SYNE1: variants seen among roughly 807,000 people sequenced by gnomAD.
SYNE1 encodes the protein nesprin-1.
In SYNE1, 616 loss-of-function variants were observed where a neutral mutation model predicts 1,111.0. That is an observed-to-expected ratio of 0.55 (90% CI 0.52 to 0.59). SYNE1 has a LOEUF of 0.59. Among genes scored for constraint, SYNE1 ranks in the 20% least tolerant of loss-of-function variants. The pLI, the probability that SYNE1 is intolerant of heterozygous loss-of-function variation, is 0.00. For synonymous variants in SYNE1, 3,855 were observed against 3,825.8 expected, an observed-to-expected ratio of 1.01 and a Z score of -0.28; for missense variants, 10,006 against 10,417.0, an observed-to-expected ratio of 0.96 and a Z score of 1.72.
At chr6:152,350,427 G>A (rs1563264741) in intron 71 of SYNE1, 92 bp from the exon 72 acceptor site, 1 of 1,559,188 alleles carries the variant, frequency 6.4e-7, no homozygotes, top group East Asian at 2.2e-5. Flanking sequence ...CAACTCACAG[G>A]GTAGTTAGAG....
chr6:152,228,325 C>A (rs1337283078), intron 115 of SYNE1, among the ~76,000 whole-genome samples: 4 of 152,274 alleles, frequency 2.6e-5, no homozygotes, highest in African/African-American at 7.2e-5. Flanking sequence ...GTTCTTTCAA[C>A]CACACTTTAA....
chr6:152,213,714 T>A lies in SYNE1; in HGVS notation c.22392A>T (p.Lys7464Asn). ...FLLQHQTFLEKCETWMEFLVQ... is the reference protein window; with the variant it reads ...FLLQHQTFLENCETWMEFLVQ... Reference sequence around the variant, plus strand: ...CTAGGAATTCCATCCATGTTTCACATTTTTCCAAGAAAGTCTGATGTTGTA... The same window carrying A: ...CTAGGAATTCCATCCATGTTTCACAATTTTCCAAGAAAGTCTGATGTTGTA... The change falls in exon 123 of 146, where the codon AAA (lysine) becomes AAT (asparagine). Residue 7464 changes from lysine to asparagine, a missense_variant. Lys to Asn is a moderately conservative substitution (Grantham distance 94). Transcript: ENST00000367255. The A allele has an allele frequency of 6.2e-7, 1 of 1,614,092 alleles. No homozygotes were observed. Among genetic ancestry groups the A allele is most frequent in the Non-Finnish European group, 8.5e-7 (1 of 1,179,984 alleles).
intron 4 of SYNE1, 146 bp downstream of exon 4, chr6:152,539,813 AG>A: frequency 1.1e-6 from 1 of 899,254 alleles, no homozygotes; most frequent in Non-Finnish European, 1.8e-6. Context: ...TTCCACTCTT[AG>A]GCAACAGCTA....
intron 47 of SYNE1, 124 bp from the exon 48 acceptor site, chr6:152,399,947 ATTTTGGTGCGT>A: frequency 1.8e-6 from 2 of 1,139,290 alleles, no homozygotes; most frequent in South Asian, 2.7e-5. Context: ...TGGTGTATAC[ATTTTGGTGCGT>A]TTTTGAGTAC....
intron 100 of SYNE1, among the ~76,000 whole-genome samples, chr6:152,262,640 A>G (rs1336453368): frequency 6.6e-6 from 1 of 152,176 alleles, no homozygotes; most frequent in Non-Finnish European, 1.5e-5. Flanking sequence ...GAAAGGTAGT[A>G]CAGGACAGAG....
chr6:152,591,111 T>TG (rs1457043881), intron 3 of SYNE1, among the ~76,000 whole-genome samples: 1 of 152,196 alleles, frequency 6.6e-6, no homozygotes, highest in Non-Finnish European at 1.5e-5. Flanking sequence ...CCTCTTTGGG[T>TG]AGGTGCATTC....
At chr6:152,606,436 G>A (rs2099614930) in intron 3 of SYNE1, among the ~76,000 whole-genome samples, 1 of 152,146 alleles carries the variant, frequency 6.6e-6, no homozygotes, top group South Asian at 2.1e-4. Context: ...GAAGGCCCAG[G>A]ACATAGCTGT....
At chr6:152,418,650 C>T (rs955937889) in intron 40 of SYNE1, among the ~76,000 whole-genome samples, 1 of 152,052 alleles carries the variant, frequency 6.6e-6, no homozygotes, top group African/African-American at 2.4e-5. Flanking sequence ...ACTGAGAGAA[C>T]CTGAGGAGCA....
At position 152,310,515 on chromosome 6, in the gene SYNE1, T is replaced by G; in HGVS notation, c.16900A>C (p.Met5634Leu). Residue 5634 changes from methionine (M) to leucine (L), a missense_variant, in exon 89 of 146, where the codon ATG becomes CTG. This residue lies in a region of SYNE1 where 4,955 missense variants were observed against 5,017.2 expected (regional missense o/e 0.99). Transcript: ENST00000367255. ...LQNLQDAAKD[M>L]KKFEAELKKL... The stretch of plus-strand genomic sequence containing the variant: ...TTCAACTCTGCTTCAAATTTTTTCA[T>G]ATCCTAGAGAGTCAATATCAATGTA... The G allele has an allele frequency of 6.2e-7, 1 of 1,614,066 alleles. No homozygotes were observed.
At chr6:152,542,144 T>G (rs560333140) in intron 3 of SYNE1, among the ~76,000 whole-genome samples, 2 of 152,338 alleles carry the variant, frequency 1.3e-5, no homozygotes, top group East Asian at 3.9e-4. Context: ...CCCAAATCTC[T>G]GTCTTTGTCT....
intron 3 of SYNE1, among the ~76,000 whole-genome samples, chr6:152,626,655 C>T (rs2099686366): frequency 6.6e-6 from 1 of 152,196 alleles, no homozygotes; most frequent in Non-Finnish European, 1.5e-5. Flanking sequence ...TCTGGCATGA[C>T]ATGTGGGATT....
chr6:152,168,143 T>A (rs751038877), intron 130 of SYNE1: 1 of 779,174 alleles, frequency 1.3e-6, no homozygotes, highest in Non-Finnish European at 2.4e-6. Context: ...ATCTGGGAGA[T>A]CTGCATCCAC....
chr6:152,495,992 C>T (rs1355803249), intron 11 of SYNE1, among the ~76,000 whole-genome samples: 2 of 152,124 alleles, frequency 1.3e-5, no homozygotes, highest in African/African-American at 4.8e-5. Flanking sequence ...TACAAGACAC[C>T]TCTTTTAGTG....
chr6:152,560,594 A>AGCATTACT (rs1333840089), intron 3 of SYNE1, among the ~76,000 whole-genome samples: 1 of 152,182 alleles, frequency 6.6e-6, no homozygotes, highest in Non-Finnish European at 1.5e-5. Context: ...TTATAAGGCC[A>AGCATTACT]GCATTACTCT....
chr6:152,253,827 T>TGTTTGTTTG (rs2090088450), intron 104 of SYNE1, among the ~76,000 whole-genome samples: 1 of 57,568 alleles, frequency 1.7e-5, no homozygotes, highest in African/African-American at 1.3e-4. Flanking sequence ...GGTTTTTTTT[T>TGTTTGTTTG]TTTTTTTTTT....
intron 49 of SYNE1, among the ~76,000 whole-genome samples, chr6:152,397,826 C>T (rs1389038287): frequency 2.6e-5 from 4 of 152,036 alleles, no homozygotes; most frequent in South Asian, 2.1e-4. Context: ...CATGGTGAAA[C>T]CTCGTCTCTA....
At chr6:152,206,045 T>C in intron 126 of SYNE1, 123 bp downstream of exon 126, 1 of 1,044,642 alleles carries the variant, frequency 9.6e-7, no homozygotes, top group South Asian at 1.4e-5. Flanking sequence ...ACACAGAGAA[T>C]CAAAATACTG....
chr6:152,219,258 G>T (rs1029167398), intron 119 of SYNE1, 73 bp from the exon 120 acceptor site: 29 of 1,390,530 alleles, frequency 2.1e-5, no homozygotes, highest in Non-Finnish European at 2.8e-5. Flanking sequence ...TCGGCAAAGG[G>T]CTACACATGT....
intron 3 of SYNE1, among the ~76,000 whole-genome samples, chr6:152,609,354 G>A (rs1193282922): frequency 2.0e-5 from 3 of 152,178 alleles, no homozygotes; most frequent in Non-Finnish European, 2.9e-5. Context: ...CACACTCACA[G>A]AGCCTTGCTC....
Sources: gnomAD v4.1 joint callset for allele counts (sites outside exome capture counted in the v4.1 genomes callset) on GRCh38, gnomAD v4.1.1 for gene constraint, gnomAD v4.1.1 regional missense constraint, MANE v1.5 for transcripts, NCBI Gene and HGNC (gene_info 2026-07-23, HGNC 2026-07-21) for gene names.